The following EIF4G3 variants were observed in gnomAD, a reference collection of about 807,000 sequenced individuals.
The protein encoded by EIF4G3 is eukaryotic translation initiation factor 4 gamma 3, also known as eIF-4-gamma 3.
EIF4G3 carries 34 observed loss-of-function variants against 186.4 expected under a neutral mutation model. The ratio of observed to expected loss-of-function variants is 0.18; its 90% CI spans 0.14 to 0.24. EIF4G3 has a LOEUF of 0.24. EIF4G3 is among the 10% of genes least tolerant of loss of function. The pLI is 1.00. For missense variants in EIF4G3, 1,536 were observed against 1,948.5 expected (o/e 0.79, Z 3.99); for synonymous variants, 673 against 679.5 (o/e 0.99, Z 0.15).
Position 20,857,461 on chromosome 1 carries a change from A to G in EIF4G3, c.3281T>C (p.Val1094Ala), listed in dbSNP as rs1557946321. 3 of 1,614,146 alleles carry G rather than the reference A, an allele frequency of 1.9e-6. No individual in the cohort carries two copies. The highest frequency in any genetic ancestry group is 3.3e-4 in the Middle Eastern group (2 of 6,062). Reference sequence around the variant, plus strand: ...TACCCGACTGTTCTTGGCCCCTTGTACAGTGTTCCACCCACCTTCGTCCAC... The same window carrying G: ...TACCCGACTGTTCTTGGCCCCTTGTGCAGTGTTCCACCCACCTTCGTCCAC... ...QRVDEGGWNT[V>A]QGAKNSRVLD... The change falls in exon 25 of 37, where the codon GTA becomes GCA. Residue 1094 changes from valine to alanine, a missense_variant. By Grantham distance (64) the Val-to-Ala change is moderately conservative. Coordinates refer to ENST00000602326, the MANE Select transcript of EIF4G3 (RefSeq NM_001391906.1).
intron 27 of EIF4G3, among the ~76,000 whole-genome samples, chr1:20,852,077 A>T (rs1289914592): frequency 6.6e-6 from 1 of 151,976 alleles, no homozygotes; most frequent in African/African-American, 2.4e-5. Context: ...ATGGAGTTTT[A>T]CTCTTGTTGC....
chr1:21,143,395 A>G (rs1457816684), intron 2 of EIF4G3, among the ~76,000 whole-genome samples: 1 of 152,100 alleles, frequency 6.6e-6, no homozygotes, highest in East Asian at 1.9e-4. Flanking sequence ...AGGAAAAGAA[A>G]GAAAACTATA....
chr1:21,160,251 T>C (rs1292255146), intron 2 of EIF4G3, among the ~76,000 whole-genome samples: 1 of 151,796 alleles, frequency 6.6e-6, no homozygotes, highest in Non-Finnish European at 1.5e-5. Flanking sequence ...ATAAAATATA[T>C]ACCCATGAGT....
At chr1:21,009,212 G>A (rs984528164) in intron 4 of EIF4G3, among the ~76,000 whole-genome samples, 2 of 152,008 alleles carry the variant, frequency 1.3e-5, no homozygotes, top group Admixed American at 6.6e-5. Context: ...ACAGGGTCTC[G>A]CTCTGTCACC....
At chr1:20,869,563 C>CAG (rs1323264713) in intron 20 of EIF4G3, among the ~76,000 whole-genome samples, 2 of 151,630 alleles carry the variant, frequency 1.3e-5, no homozygotes, top group Non-Finnish European at 2.9e-5. Flanking sequence ...ATCACGAGGT[C>CAG]AGGAGATTGA....
chr1:21,096,723 A>G (rs1359665787), intron 2 of EIF4G3, among the ~76,000 whole-genome samples: 2 of 152,214 alleles, frequency 1.3e-5, no homozygotes, highest in African/African-American at 4.8e-5. Context: ...CTATCTTTTA[A>G]AGACTAACTG....
At chr1:21,114,741 C>A (rs753384330) in intron 2 of EIF4G3, among the ~76,000 whole-genome samples, 7 of 152,094 alleles carry the variant, frequency 4.6e-5, no homozygotes, top group Non-Finnish European at 1.0e-4. Context: ...GCTGTTTCAT[C>A]AAAGATATTA....
chr1:21,163,874 C>A (rs931418574), intron 2 of EIF4G3, among the ~76,000 whole-genome samples: 2 of 152,112 alleles, frequency 1.3e-5, no homozygotes, highest in African/African-American at 4.8e-5. Context: ...TGAGTTCAAG[C>A]GATTCTCCTG....
intron 2 of EIF4G3, among the ~76,000 whole-genome samples, chr1:21,100,843 G>A (rs1291331868): frequency 1.3e-5 from 2 of 152,114 alleles, no homozygotes; most frequent in Non-Finnish European, 2.9e-5. Context: ...GGCAAACTAC[G>A]TTCTTTTTCA....
intron 8 of EIF4G3, among the ~76,000 whole-genome samples, chr1:20,981,614 A>G (rs550503626): frequency 1.6e-5 from 2 of 121,222 alleles, no homozygotes; most frequent in Admixed American, 1.7e-4. Context: ...CACATACTGT[A>G]TGTATACATA....
At chr1:20,898,930 A>G (rs1466202127) in intron 16 of EIF4G3, among the ~76,000 whole-genome samples, 2 of 152,120 alleles carry the variant, frequency 1.3e-5, no homozygotes, top group Non-Finnish European at 2.9e-5. Context: ...GGGTTTCTCC[A>G]TGTTGGTCAG....
At chr1:20,910,438 G>A (rs924010904) in intron 14 of EIF4G3, among the ~76,000 whole-genome samples, 10 of 152,092 alleles carry the variant, frequency 6.6e-5, no homozygotes, top group African/African-American at 2.4e-4. Flanking sequence ...ACAAAAATTA[G>A]CCAGGCGTGG....
chr1:20,982,950 T>C (rs931472097), intron 7 of EIF4G3, among the ~76,000 whole-genome samples: 2 of 152,230 alleles, frequency 1.3e-5, no homozygotes, highest in African/African-American at 4.8e-5. Flanking sequence ...TGGAGAACTA[T>C]AATAACAATC....
intron 3 of EIF4G3, among the ~76,000 whole-genome samples, chr1:21,083,476 C>G (rs2100920336): frequency 6.8e-6 from 1 of 147,292 alleles, no homozygotes; most frequent in Non-Finnish European, 1.5e-5. Context: ...CCACACCCAG[C>G]CACACACACA....
intron 35 of EIF4G3, 84 bp downstream of exon 35, chr1:20,813,074 C>T (rs533405904): frequency 1.0e-6 from 1 of 957,072 alleles, no homozygotes; most frequent in Admixed American, 2.1e-5. Context: ...GTTTTGAAAA[C>T]AATGTAAAAT....
intron 14 of EIF4G3, among the ~76,000 whole-genome samples, chr1:20,927,036 G>GA (rs1241436554): frequency 6.7e-6 from 1 of 149,690 alleles, no homozygotes; most frequent in Non-Finnish European, 1.5e-5. Context: ...TTGAAAAATT[G>GA]AAAAAAATAC....
intron 7 of EIF4G3, among the ~76,000 whole-genome samples, chr1:20,996,821 T>A (rs2082392404): frequency 6.6e-6 from 1 of 152,152 alleles, no homozygotes. Context: ...AAGCTTGTAA[T>A]ATGAACAGAC....
intron 2 of EIF4G3, among the ~76,000 whole-genome samples, chr1:21,141,935 CA>C (rs113622962): frequency 2.6e-4 from 35 of 133,840 alleles, no homozygotes; most frequent in African/African-American, 3.3e-4. Context: ...ACCCTGTCTC[CA>C]AAAAAAAAAA....
At chr1:21,031,466 G>T (rs1343764461) in intron 4 of EIF4G3, among the ~76,000 whole-genome samples, 2 of 150,710 alleles carry the variant, frequency 1.3e-5, no homozygotes, top group African/African-American at 4.9e-5. Context: ...CCTACAGAAA[G>T]CGGTGAAGGG....
Sources: allele counts gnomAD v4.1 joint callset (sites outside exome capture counted in the v4.1 genomes callset), GRCh38; gene constraint gnomAD v4.1.1; transcripts MANE v1.5; gene names NCBI Gene and HGNC (gene_info 2026-07-23, HGNC 2026-07-21).